The following USP47 variants were observed in gnomAD, a reference collection of about 807,000 sequenced individuals.
The protein encoded by USP47 is ubiquitin specific peptidase 47, also known as ubiquitin carboxyl-terminal hydrolase 47.
In USP47, 35 loss-of-function variants were observed where a neutral mutation model predicts 165.1. The ratio of observed to expected loss-of-function variants is 0.21; its 90% CI spans 0.16 to 0.28. USP47 has a LOEUF of 0.28. USP47 is among the 10% of genes least tolerant of loss of function. USP47 has a pLI of 1.00. For missense variants in USP47, 1,277 were observed against 1,607.4 expected, an observed-to-expected ratio of 0.79 and a Z score of 3.52; for synonymous variants, 531 against 544.5, an observed-to-expected ratio of 0.98 and a Z score of 0.35.
chr11:11,866,877 AT>A (rs72527617), intron 1 of USP47, among the ~76,000 whole-genome samples: 7,961 of 145,096 alleles, frequency 0.055, 525 homozygotes, highest in African/African-American at 0.16. Flanking sequence ...CTCTGACTGC[AT>A]TTTTTTTTTT....
chr11:11,867,381 T>G (rs1849751964), intron 1 of USP47, among the ~76,000 whole-genome samples: 1 of 152,166 alleles, frequency 6.6e-6, no homozygotes, highest in Admixed American at 6.5e-5. Context: ...ACTCTATCCT[T>G]CATGTCTCTT....
At position 11,878,563 on chromosome 11, in the gene USP47, G is replaced by GT. The variant is rs986199066; in HGVS notation, c.40-1607dup. ...TAACATCTAAAATATATAGGTGAAG[G>GT]TTTTTTTATCTTTTTTGAAATGTAT... On this transcript the variant is annotated intron_variant, in intron 1 of 27. Coordinates refer to ENST00000527733, the MANE Select transcript of USP47 (RefSeq NM_001282659.2). The GT allele has an allele frequency of 4.6e-5, 7 of 151,864 alleles. No individual in the cohort carries two copies. In the South Asian group the frequency reaches 6.2e-4, roughly 14 times the overall value. The allele number at this position is 151,864 out of a possible 1,614,324, so 9.4% of individuals were successfully genotyped here.
chr11:11,885,358 G>C (rs1216910822), intron 3 of USP47, among the ~76,000 whole-genome samples: 1 of 152,096 alleles, frequency 6.6e-6, no homozygotes, highest in Non-Finnish European at 1.5e-5. Flanking sequence ...AGACTGATTA[G>C]GCAAACAACT....
At chr11:11,886,227 A>G (rs1276527297) in intron 3 of USP47, among the ~76,000 whole-genome samples, 2 of 152,208 alleles carry the variant, frequency 1.3e-5, no homozygotes, top group Admixed American at 1.3e-4. Context: ...GCAAGGGCAC[A>G]GAACTGGGCT....
At chr11:11,896,462 T>C (rs778415379) in intron 4 of USP47, among the ~76,000 whole-genome samples, 14 of 152,158 alleles carry the variant, frequency 9.2e-5, no homozygotes, top group Non-Finnish European at 1.5e-4. Context: ...TACAGAACAA[T>C]TGGTCTCCTG....
At chr11:11,922,936 C>T in intron 11 of USP47, 45 bp downstream of exon 11, 1 of 1,551,380 alleles carries the variant, frequency 6.4e-7, no homozygotes, top group African/African-American at 1.4e-5. Flanking sequence ...TGAGAATAAT[C>T]TCTGACTTCC....
At chr11:11,951,722 A>T (rs1462180056) in intron 24 of USP47, 1 of 152,170 alleles carries the variant, frequency 6.6e-6, no homozygotes, top group African/African-American at 2.4e-5. Flanking sequence ...ATTCAACCAT[A>T]AATTTAAATG....
In USP47 at chr11:11,842,175, C is replaced by A; in HGVS notation, c.-11C>A. On this transcript the variant is annotated 5_prime_UTR_variant, in exon 1 of 28. Coordinates refer to ENST00000527733, the MANE Select transcript of USP47 (RefSeq NM_001282659.2). ...CCCCGGCAGGGCGGAGAGGAGCGGC[C>A]GGAGTCAGCGATGGTGCCCGGCGAG... 6.4e-7 allele frequency: 1 copy of A among 1,552,708 alleles called. No homozygotes were observed. Among genetic ancestry groups the A allele is most frequent in the Non-Finnish European group, 8.7e-7 (1 of 1,147,264 alleles).
At chr11:11,891,033 G>C (rs1851480453) in intron 3 of USP47, among the ~76,000 whole-genome samples, 1 of 152,152 alleles carries the variant, frequency 6.6e-6, no homozygotes, top group Non-Finnish European at 1.5e-5. Flanking sequence ...AGGAAGAATA[G>C]CTAAGGGATA....
In USP47 at chr11:11,884,518, C is replaced by G; in HGVS notation, c.295C>G (p.Pro99Ala). 1 of 1,611,774 alleles carries G rather than the reference C, an allele frequency of 6.2e-7. No homozygotes were observed. The highest frequency in any genetic ancestry group is 8.5e-7 in the Non-Finnish European group (1 of 1,179,216). Residue 99 changes from proline to alanine, a missense_variant, in exon 3 of 28, where the codon CCA becomes GCA. Coordinates refer to ENST00000527733, the MANE Select transcript of USP47 (RefSeq NM_001282659.2). ...GTCACTTCTCGACGCTAATTTTGAG[C>G]CAGGAAAGAAGAACTTTCTGCATTT... ...DKSLLDANFE[P>A]GKKNFLHLTD... is the part of the protein sequence containing the mutation.
At chr11:11,914,561 A>G (rs1468444062) in intron 8 of USP47, among the ~76,000 whole-genome samples, 2 of 152,116 alleles carry the variant, frequency 1.3e-5, no homozygotes, top group Non-Finnish European at 2.9e-5. Context: ...AATTAAAAAT[A>G]TTTACTCTCT....
intron 15 of USP47, 58 bp downstream of exon 15, chr11:11,933,174 G>T: frequency 7.3e-7 from 1 of 1,373,838 alleles, no homozygotes; most frequent in Non-Finnish European, 1.0e-6. Context: ...TCGCTTACCT[G>T]CAATTCTAAT....
intron 1 of USP47, among the ~76,000 whole-genome samples, chr11:11,860,921 T>C (rs1364508591): frequency 1.3e-5 from 2 of 152,166 alleles, no homozygotes; most frequent in Non-Finnish European, 2.9e-5. Flanking sequence ...ACAATTTTAA[T>C]GCTACAAACA....
chr11:11,938,415 G>A (rs1281550653), intron 18 of USP47, 43 bp downstream of exon 18: 11 of 1,448,386 alleles, frequency 7.6e-6, no homozygotes, highest in African/African-American at 1.4e-5. Context: ...TTGAGAGCCT[G>A]CTATGTACAA....
chr11:11,867,888 T>G (rs888216101), intron 1 of USP47, among the ~76,000 whole-genome samples: 5 of 135,584 alleles, frequency 3.7e-5, no homozygotes, highest in African/African-American at 1.6e-4. Context: ...TGGAGTTTTG[T>G]TTTTTTTTTA....
At chr11:11,900,509 T>C (rs1358462869) in intron 5 of USP47, among the ~76,000 whole-genome samples, 1 of 152,190 alleles carries the variant, frequency 6.6e-6, no homozygotes, top group East Asian at 1.9e-4. Context: ...TGCCACTTGA[T>C]TTGGAGTCAT....
intron 20 of USP47, among the ~76,000 whole-genome samples, chr11:11,946,301 C>T (rs1855834200): frequency 6.6e-6 from 1 of 152,184 alleles, no homozygotes. Flanking sequence ...GCCAGGAATT[C>T]ATTCAGGCCA....
chr11:11,955,226 A>T, intron 27 of USP47, 62 bp downstream of exon 27: 1 of 1,555,266 alleles, frequency 6.4e-7, no homozygotes, highest in Non-Finnish European at 8.7e-7. Flanking sequence ...TACATATCTT[A>T]TTTTCCATAA....
intron 1 of USP47, among the ~76,000 whole-genome samples, chr11:11,849,932 T>C (rs1029940780): frequency 6.6e-6 from 1 of 152,250 alleles, no homozygotes; most frequent in Non-Finnish European, 1.5e-5. Context: ...TCTCAGAATT[T>C]TGAAGGCATT....
Sources: allele counts gnomAD v4.1 joint callset (sites outside exome capture counted in the v4.1 genomes callset), GRCh38; gene constraint gnomAD v4.1.1; transcripts MANE v1.5; gene names NCBI Gene and HGNC (gene_info 2026-07-23, HGNC 2026-07-21).